The following CCDC179 variants were observed in gnomAD, a reference collection of about 807,000 sequenced individuals.
CCDC179 encodes the protein coiled-coil domain containing 179.
In CCDC179, 17 loss-of-function variants were observed where a neutral mutation model predicts 12.0. The observed-to-expected ratio is 1.42, with a 90% CI of 0.97 to 2.13. The LOEUF (loss-of-function observed/expected upper bound fraction) is 2.13, where lower values mean the gene tolerates loss of function less well. CCDC179 is among the 30% of genes most tolerant of loss of function. The pLI, the probability that CCDC179 is intolerant of heterozygous loss-of-function variation, is 0.00. For synonymous variants in CCDC179, 27 were observed against 26.4 expected, an observed-to-expected ratio of 1.02 and a Z score of -0.07; for missense variants, 83 against 78.6, an observed-to-expected ratio of 1.06 and a Z score of -0.21.
Position 22,847,515 on chromosome 11 carries a change from A to G in CCDC179, c.202T>C (p.Ser68Pro), listed in dbSNP as rs1378872922. The G allele has an allele frequency of 7.0e-7, 1 of 1,435,872 alleles. No homozygotes were observed. 88.9% of individuals were successfully genotyped at this position (1,435,872 alleles called of 1,614,324 possible). A position where few individuals can be genotyped will look rare whatever the true frequency, so the allele number is the denominator to read the frequency against. ...TCAAATAGACTCCTGCTTTATCAAG[A>G]TGACCACTAGACAAGATTAAAATAC... ...PIPEPGLLWS[S>P] Residue 68 changes from serine (S) to proline (P), a missense_variant, in exon 4 of 4, where the codon TCT becomes CCT. Ser to Pro is a moderately conservative substitution (Grantham distance 74). Transcript: ENST00000532798.
chr11:22,858,639 A>C (rs536421025), intron 2 of CCDC179, among the ~76,000 whole-genome samples: 1 of 152,198 alleles, frequency 6.6e-6, no homozygotes, highest in African/African-American at 2.4e-5. Context: ...AAACTTGAAC[A>C]ATTGCTTTGA....
At chr11:22,854,292 A>C (rs952533543) in intron 3 of CCDC179, among the ~76,000 whole-genome samples, 1 of 151,854 alleles carries the variant, frequency 6.6e-6, no homozygotes, top group Non-Finnish European at 1.5e-5. Flanking sequence ...AGAAGGTAAA[A>C]TAAAATATTT....
In CCDC179 at chr11:22,857,983, T is replaced by C; in HGVS notation, c.134A>G (p.Glu45Gly). The C allele has an allele frequency of 6.5e-7, 1 of 1,528,632 alleles. No individual in the cohort carries two copies. The highest frequency in any genetic ancestry group is 1.2e-5 in the South Asian group (1 of 82,510). The allele number at this position is 1,528,632 out of a possible 1,614,324, so 94.7% of individuals were successfully genotyped here. A position where few individuals can be genotyped will look rare whatever the true frequency, so the allele number is the denominator to read the frequency against. ...RIQNMQHLKK[E>G]KRRLNKRFSR... The stretch of plus-strand genomic sequence containing the variant: ...AAACCTTTTATTCAGTCTCCTCTTC[T>C]CTTTCTTTAGGTGTTGCATATTCTG... Residue 45 changes from glutamate to glycine, a missense_variant, in exon 3 of 4, where the codon GAG (glutamate) becomes GGG (glycine). Glu to Gly is a moderately conservative substitution (Grantham distance 98). Coordinates refer to ENST00000532798, the MANE Select transcript of CCDC179 (RefSeq NM_001195637.2).
intron 3 of CCDC179, among the ~76,000 whole-genome samples, chr11:22,855,702 A>C (rs987084465): frequency 4.0e-5 from 6 of 151,550 alleles, no homozygotes; most frequent in African/African-American, 1.2e-4. Flanking sequence ...AAACTAGAGC[A>C]GAAATCTGTG....
Position 22,847,473 on chromosome 11 carries a change from C to G in CCDC179, c.*37G>C, listed in dbSNP as rs574596856. On this transcript the variant is annotated 3_prime_UTR_variant, in exon 4 of 4. Transcript: ENST00000532798. Reference sequence around the variant, plus strand: ...ATGTTCACAATCCACATATTTCTGTCTGGAGCATGGTTTCCTTCAAATAGA... The same window carrying G: ...ATGTTCACAATCCACATATTTCTGTGTGGAGCATGGTTTCCTTCAAATAGA... 46 of 1,375,026 alleles carry G rather than the reference C, an allele frequency of 3.3e-5. No homozygotes were observed. The highest frequency in any genetic ancestry group is 4.3e-5 in the Non-Finnish European group (44 of 1,030,632). 85.2% of individuals were successfully genotyped at this position (1,375,026 alleles called of 1,614,324 possible). A position where few individuals can be genotyped will look rare whatever the true frequency, so the allele number is the denominator to read the frequency against.
At chr11:22,850,974 A>AT (rs1564915186) in intron 3 of CCDC179, among the ~76,000 whole-genome samples, 29 of 6,528 alleles carry the variant, frequency 4.4e-3, no homozygotes, top group African/African-American at 6.1e-3. Context: ...ATATATATAT[A>AT]TATTTTTTTT....
At chr11:22,850,968 A>ATTT (rs1564915113) in intron 3 of CCDC179, among the ~76,000 whole-genome samples, 5 of 6,664 alleles carry the variant, frequency 7.5e-4, no homozygotes, top group Non-Finnish European at 1.2e-3. Flanking sequence ...ATATATATAT[A>ATTT]TATATATATT....
In CCDC179 at chr11:22,860,398, G is replaced by A. The variant is rs964699773; in HGVS notation, c.24C>T (p.Ile8=). Residue 8 remains isoleucine, a synonymous_variant, in exon 1 of 4, where the codon ATC becomes ATT. Transcript: ENST00000532798. ...TCACAGGGTTGACTTGGGAAGGCTCGATGTCCCAGCAATACAGGCACATGC... is the reference window on the plus strand; with the variant it reads ...TCACAGGGTTGACTTGGGAAGGCTCAATGTCCCAGCAATACAGGCACATGC... MCLYCWD[I]EPSQVNPEGP... The A allele has an allele frequency of 2.6e-6, 4 of 1,535,554 alleles. No individual in the cohort carries two copies. Among genetic ancestry groups the A allele is most frequent in the Non-Finnish European group, 2.6e-6 (3 of 1,146,626 alleles).
At chr11:22,858,967 A>C (rs1416048721) in intron 2 of CCDC179, among the ~76,000 whole-genome samples, 7 of 152,064 alleles carry the variant, frequency 4.6e-5, no homozygotes, top group African/African-American at 1.4e-4. Context: ...TCATACACTA[A>C]ATTTTGTGTG....
At chr11:22,847,902 G>A (rs976229963) in intron 3 of CCDC179, among the ~76,000 whole-genome samples, 1 of 152,010 alleles carries the variant, frequency 6.6e-6, no homozygotes, top group African/African-American at 2.4e-5. Flanking sequence ...GTTAAATAAG[G>A]CTTTTATTTT....
chr11:22,851,001 GC>G (rs1564915262), intron 3 of CCDC179, among the ~76,000 whole-genome samples: 2 of 16,002 alleles, frequency 1.2e-4, no homozygotes, highest in Non-Finnish European at 1.3e-4. Context: ...TTTTTTTTTT[GC>G]TGAGATGGAG....
At chr11:22,847,548 A>G in intron 3 of CCDC179, 27 bp from the exon 4 acceptor site, 1 of 1,259,190 alleles carries the variant, frequency 7.9e-7, no homozygotes, top group Non-Finnish European at 1.1e-6. Flanking sequence ...TACACAAAGA[A>G]TAAGAAATTT....
intron 3 of CCDC179, among the ~76,000 whole-genome samples, chr11:22,856,739 G>A (rs778266489): frequency 2.0e-5 from 3 of 151,446 alleles, no homozygotes; most frequent in African/African-American, 4.8e-5. Context: ...GTTCACAGAC[G>A]ACCTGACTAA....
At chr11:22,847,859 G>A (rs1453025669) in intron 3 of CCDC179, among the ~76,000 whole-genome samples, 2 of 152,116 alleles carry the variant, frequency 1.3e-5, no homozygotes, top group African/African-American at 4.8e-5. Flanking sequence ...AAAGGTCAAA[G>A]TCATTTCTAT....
intron 3 of CCDC179, among the ~76,000 whole-genome samples, chr11:22,857,475 T>TA (rs1218401667): frequency 6.6e-6 from 1 of 151,714 alleles, no homozygotes; most frequent in African/African-American, 2.4e-5. Context: ...ATAATGATAA[T>TA]AATCTGGACA....
Position 22,857,918 on chromosome 11 carries a change from T to C in CCDC179, c.195+4A>G. 1.4e-6 allele frequency: 2 copies of C among 1,440,628 alleles called. No homozygotes were observed. The highest frequency in any genetic ancestry group is 2.6e-5 in the South Asian group (2 of 76,608). The allele number at this position is 1,440,628 out of a possible 1,614,324, so 89.2% of individuals were successfully genotyped here. ...GTTAATTTCAGTGAAACCTCTATACTTACTAGGAGTCCTGGTTCTGGAATA... is the reference window on the plus strand; with the variant it reads ...GTTAATTTCAGTGAAACCTCTATACCTACTAGGAGTCCTGGTTCTGGAATA... On this transcript the variant is annotated splice_donor_region_variant and intron_variant, in intron 3 of 3. Transcript: ENST00000532798.
rs182584757 is a variant in CCDC179 at position 22,859,405 on chromosome 11, G to A, written c.90+47C>T. On this transcript the variant is annotated intron_variant, in intron 2 of 3. Transcript: ENST00000532798. ...CACTACATAAAGGAACAAGTTACAA[G>A]CACAATGTTTAAACAACCAGAACCT... The A allele has an allele frequency of 6.5e-4, 860 of 1,321,502 alleles. 8 individuals carry two copies. In the African/African-American group the frequency reaches 0.011, roughly 17 times the overall value. The allele number at this position is 1,321,502 out of a possible 1,614,324, so 81.9% of individuals were successfully genotyped here.
At chr11:22,858,845 A>G (rs146804445) in intron 2 of CCDC179, among the ~76,000 whole-genome samples, 1 of 152,244 alleles carries the variant, frequency 6.6e-6, no homozygotes, top group African/African-American at 2.4e-5. Context: ...AGAAAGGATT[A>G]ATGAACTGTG....
intron 3 of CCDC179, among the ~76,000 whole-genome samples, chr11:22,854,982 A>G (rs989303902): frequency 1.3e-5 from 2 of 151,754 alleles, no homozygotes; most frequent in East Asian, 1.9e-4. Flanking sequence ...GGGACATTAC[A>G]TAATAATAAT....
Sources: gnomAD v4.1 joint callset for allele counts (sites outside exome capture counted in the v4.1 genomes callset) on GRCh38, gnomAD v4.1.1 for gene constraint, MANE v1.5 for transcripts, NCBI Gene and HGNC (gene_info 2026-07-23, HGNC 2026-07-21) for gene names.